Variants in FHIT observed in about 807,000 individuals in gnomAD.
The protein encoded by FHIT is fragile histidine triad diadenosine triphosphatase.
A neutral mutation model predicts 17.9 loss-of-function variants in FHIT; 19 were observed. That is an observed-to-expected ratio of 1.06 (90% CI 0.74 to 1.56). The LOEUF (loss-of-function observed/expected upper bound fraction) is 1.56, where lower values mean the gene tolerates loss of function less well. FHIT is among the 40% of genes most tolerant of loss of function. FHIT has a pLI of 0.00. For synonymous variants in FHIT, 81 were observed against 69.7 expected (o/e 1.16, Z -0.81); for missense variants, 248 against 189.2 (o/e 1.31, Z -1.82).
At chr3:59,757,582 T>A (rs1701285218) in intron 8 of FHIT, among the ~76,000 whole-genome samples, 2 of 151,298 alleles carry the variant, frequency 1.3e-5, no homozygotes, top group East Asian at 3.9e-4. Flanking sequence ...TCACAATAAT[T>A]TAAATGTTTT....
intron 5 of FHIT, among the ~76,000 whole-genome samples, chr3:60,040,908 G>A (rs1271972733): frequency 6.6e-6 from 1 of 152,034 alleles, no homozygotes; most frequent in East Asian, 1.9e-4. Context: ...ACTCTAGGTG[G>A]GGGTAAACCA....
At chr3:60,274,054 T>C (rs1160221589) in intron 5 of FHIT, among the ~76,000 whole-genome samples, 1 of 152,184 alleles carries the variant, frequency 6.6e-6, no homozygotes, top group African/African-American at 2.4e-5. Flanking sequence ...TAGTTCTTTC[T>C]CCTTAGGGAT....
chr3:60,891,247 C>G (rs144359876), intron 3 of FHIT, among the ~76,000 whole-genome samples: 109 of 152,192 alleles, frequency 7.2e-4, no homozygotes, highest in African/African-American at 2.4e-3. Flanking sequence ...CTTCTTTTAC[C>G]AGCAACCCAA....
chr3:59,782,315 G>A (rs1385031017), intron 8 of FHIT, among the ~76,000 whole-genome samples: 1 of 152,114 alleles, frequency 6.6e-6, no homozygotes, highest in Non-Finnish European at 1.5e-5. Flanking sequence ...GTTAACTACT[G>A]GGTTGTTGTG....
intron 4 of FHIT, among the ~76,000 whole-genome samples, chr3:60,745,375 G>A (rs2042335554): frequency 6.6e-6 from 1 of 152,182 alleles, no homozygotes; most frequent in Non-Finnish European, 1.5e-5. Context: ...AAAGACCAGT[G>A]AGATTGGTGT....
At chr3:60,244,613 C>T (rs571491980) in intron 5 of FHIT, among the ~76,000 whole-genome samples, 1 of 152,156 alleles carries the variant, frequency 6.6e-6, no homozygotes, top group South Asian at 2.1e-4. Flanking sequence ...AATTGTAAGG[C>T]AATGAATTTC....
chr3:59,816,107 G>C (rs756118649), intron 8 of FHIT, among the ~76,000 whole-genome samples: 7 of 152,166 alleles, frequency 4.6e-5, no homozygotes, highest in Admixed American at 1.3e-4. Flanking sequence ...TCCTGGATCT[G>C]GGAGGCTGTG....
At chr3:60,543,994 A>G (rs928581734) in intron 4 of FHIT, among the ~76,000 whole-genome samples, 9 of 141,134 alleles carry the variant, frequency 6.4e-5, no homozygotes, top group African/African-American at 2.1e-4. Flanking sequence ...TCCTGACCTC[A>G]TGATCCACCC....
intron 3 of FHIT, among the ~76,000 whole-genome samples, chr3:60,829,300 A>G (rs1438089484): frequency 1.3e-5 from 2 of 152,216 alleles, no homozygotes; most frequent in African/African-American, 4.8e-5. Context: ...TTGATCACAG[A>G]GAGATTTCAC....
chr3:59,859,578 G>A (rs1702321358), intron 8 of FHIT, among the ~76,000 whole-genome samples: 1 of 152,132 alleles, frequency 6.6e-6, no homozygotes, highest in Non-Finnish European at 1.5e-5. Flanking sequence ...AATTAGCCAG[G>A]CATGGAGGTG....
At chr3:60,645,233 C>T (rs1553686447) in intron 4 of FHIT, among the ~76,000 whole-genome samples, 1 of 152,176 alleles carries the variant, frequency 6.6e-6, no homozygotes, top group African/African-American at 2.4e-5. Context: ...ACACACACAT[C>T]TCATGCCTTG....
chr3:59,858,016 A>T (rs576594365), intron 8 of FHIT, among the ~76,000 whole-genome samples: 1 of 152,252 alleles, frequency 6.6e-6, no homozygotes, highest in South Asian at 2.1e-4. Flanking sequence ...CAGTTGGCTC[A>T]GCTGAATATT....
intron 2 of FHIT, among the ~76,000 whole-genome samples, chr3:61,149,804 C>G (rs760737084): frequency 6.6e-6 from 1 of 152,096 alleles, no homozygotes; most frequent in African/African-American, 2.4e-5. Context: ...TGCTTGAGCC[C>G]AGGAGTTAGA....
intron 2 of FHIT, among the ~76,000 whole-genome samples, chr3:61,118,191 C>T (rs1230247911): frequency 6.6e-6 from 1 of 152,108 alleles, no homozygotes; most frequent in Non-Finnish European, 1.5e-5. Flanking sequence ...GCTGAAGGCC[C>T]GTGATAAGGC....
At chr3:61,126,601 G>C (rs922033698) in intron 2 of FHIT, among the ~76,000 whole-genome samples, 4 of 152,068 alleles carry the variant, frequency 2.6e-5, no homozygotes, top group Admixed American at 6.6e-5. Context: ...CTCCCAACTG[G>C]TATCTCCCTC....
intron 8 of FHIT, among the ~76,000 whole-genome samples, chr3:59,869,821 A>G (rs1223722310): frequency 1.3e-5 from 2 of 152,016 alleles, no homozygotes; most frequent in African/African-American, 4.8e-5. Flanking sequence ...TTTAATTTAA[A>G]GTTACCAGAT....
At chr3:60,137,682 T>C (rs978552118) in intron 5 of FHIT, among the ~76,000 whole-genome samples, 2 of 152,144 alleles carry the variant, frequency 1.3e-5, no homozygotes, top group East Asian at 3.9e-4. Flanking sequence ...GGTCTTTGGA[T>C]AGAAGGAAGG....
chr3:60,929,790 A>T (rs1408057569), intron 3 of FHIT, among the ~76,000 whole-genome samples: 6 of 152,222 alleles, frequency 3.9e-5, no homozygotes, highest in Non-Finnish European at 8.8e-5. Flanking sequence ...ATACTGCCCA[A>T]GGCAATTTAT....
intron 5 of FHIT, among the ~76,000 whole-genome samples, chr3:60,325,720 G>T (rs1165483836): frequency 2.0e-5 from 3 of 152,160 alleles, no homozygotes; most frequent in Non-Finnish European, 2.9e-5. Context: ...ACAATACAGA[G>T]TCAAACTACA....
Sources: allele counts gnomAD v4.1 joint callset (sites outside exome capture counted in the v4.1 genomes callset), GRCh38; gene constraint gnomAD v4.1.1; transcripts MANE v1.5; gene names NCBI Gene and HGNC (gene_info 2026-07-23, HGNC 2026-07-21).